The following ETF1 variants were observed in gnomAD, a reference collection of about 807,000 sequenced individuals.
ETF1 encodes the protein eukaryotic peptide chain release factor subunit 1.
In ETF1, 4 loss-of-function variants were observed where a neutral mutation model predicts 55.1. The observed-to-expected ratio is 0.07, with a 90% CI of 0.04 to 0.17. ETF1 has a LOEUF of 0.17. Ranked by LOEUF, ETF1 falls within the 10% of genes least tolerant of loss-of-function variation. The pLI is 1.00. For synonymous variants in ETF1, 157 were observed against 182.3 expected (o/e 0.86, Z 1.12); for missense variants, 142 against 523.6 (o/e 0.27, Z 7.11).
At position 138,524,587 on chromosome 5, in the gene ETF1, T is replaced by G. The variant is rs1434336034; in HGVS notation, c.87-5720A>C. ...AAAAAAATTTCTTTCCGTTTTTTGT[T>G]TTTTTTTTTGAGACAGAGTCTTGCT... On this transcript the variant is annotated intron_variant, in intron 2 of 10. Transcript: ENST00000360541. 1.3e-5 allele frequency among the ~76,000 whole-genome samples: 2 copies of G among 148,882 alleles called. 1 individual carries two copies. Among genetic ancestry groups the G allele is most frequent in the African/African-American group, 4.9e-5 (2 of 40,778 alleles).
At chr5:138,533,726 CT>C (rs1765801194) in intron 2 of ETF1, among the ~76,000 whole-genome samples, 1 of 152,122 alleles carries the variant, frequency 6.6e-6, no homozygotes, top group Non-Finnish European at 1.5e-5. Context: ...ATTGTCAGTC[CT>C]TGGAGAGGAA....
At chr5:138,519,132 C>T in intron 2 of ETF1, 2 of 984,166 alleles carry the variant, frequency 2.0e-6, no homozygotes, top group Non-Finnish European at 2.4e-6. Flanking sequence ...TTGAGAAACA[C>T]CTCATTTCCT....
intron 2 of ETF1, among the ~76,000 whole-genome samples, chr5:138,519,439 G>A (rs896407316): frequency 4.6e-5 from 7 of 151,984 alleles, no homozygotes; most frequent in African/African-American, 9.7e-5. Context: ...CGAGGCGGGC[G>A]GATCACAAGG....
intron 4 of ETF1, 69 bp downstream of exon 4, chr5:138,517,492 G>A: frequency 1.1e-6 from 1 of 877,502 alleles, no homozygotes; most frequent in Non-Finnish European, 1.7e-6. Context: ...AGGGATGGGG[G>A]ACTGACTGCT....
At chr5:138,542,683 C>T (rs1045539933) in intron 2 of ETF1, 150 bp downstream of exon 2, 1 of 1,460,992 alleles carries the variant, frequency 6.8e-7, no homozygotes, top group Non-Finnish European at 9.0e-7. Flanking sequence ...CCGACCCTCG[C>T]CCCTGGGTCA....
rs13436107 is a variant in ETF1 at position 138,509,124 on chromosome 5, T to G, written c.1084-308A>C. 12,358 of 985,100 alleles carry G rather than the reference T, an allele frequency of 0.013. 1,098 individuals are homozygous for G. The African/African-American group carries it at 0.19, about 15-fold the overall frequency. The allele number at this position is 985,100 out of a possible 1,614,324, so 61.0% of individuals were successfully genotyped here. A position where few individuals can be genotyped will look rare whatever the true frequency, so the allele number is the denominator to read the frequency against. ...CTCTAGAAGTCAGGCTGTTGTAGTG[T>G]CTCTAAGCAGCACCCATTCAATGGC... is the stretch of plus-strand genomic sequence containing the variant. On this transcript the variant is annotated intron_variant, in intron 9 of 10. Transcript: ENST00000360541.
chr5:138,526,429 C>A (rs951599479), intron 2 of ETF1, among the ~76,000 whole-genome samples: 2 of 152,118 alleles, frequency 1.3e-5, no homozygotes, highest in Non-Finnish European at 2.9e-5. Flanking sequence ...ATAGTGTCTT[C>A]GGTATTTGCA....
At chr5:138,512,483 A>C (rs1410076726) in intron 6 of ETF1, among the ~76,000 whole-genome samples, 1 of 151,702 alleles carries the variant, frequency 6.6e-6, no homozygotes, top group African/African-American at 2.4e-5. Flanking sequence ...TTTGAAATCA[A>C]ACTCCATTCT....
In ETF1 at chr5:138,513,635, A is replaced by G. The variant is rs199838059; in HGVS notation, c.474T>C (p.Phe158=). The G allele has an allele frequency of 2.3e-4, 364 of 1,610,700 alleles. No homozygotes were observed. Among genetic ancestry groups the G allele is most frequent in the Non-Finnish European group, 2.9e-4 (343 of 1,177,214 alleles). ...CTCTTGTGTTTCCTTGGAGTGTGCCAAAAAGTGCACCACTACCATCTATTA... is the reference window on the plus strand; with the variant it reads ...CTCTTGTGTTTCCTTGGAGTGTGCCGAAAAGTGCACCACTACCATCTATTA... ...FIVIDGSGAL[F]GTLQGNTREV... The change falls in exon 5 of 11, where the codon TTT becomes TTC. Residue 158 remains phenylalanine (F), a synonymous_variant. Coordinates refer to ENST00000360541, the MANE Select transcript of ETF1 (RefSeq NM_004730.4).
Position 138,510,549 on chromosome 5 carries a change from G to C in ETF1, c.1083+16C>G. 1 of 1,594,048 alleles carries C rather than the reference G, an allele frequency of 6.3e-7. No individual in the cohort carries two copies. The highest frequency in any genetic ancestry group is 8.6e-7 in the Non-Finnish European group (1 of 1,161,924). ...ACGCTTGCACGTATCATCAAACCAA[G>C]AAAATAATCACATACCTCTTTGTCT... On this transcript the variant is annotated intron_variant, in intron 9 of 10. Coordinates refer to ENST00000360541, the MANE Select transcript of ETF1 (RefSeq NM_004730.4).
chr5:138,524,766 T>C (rs879457262), intron 2 of ETF1, among the ~76,000 whole-genome samples: 13 of 151,796 alleles, frequency 8.6e-5, no homozygotes, highest in South Asian at 2.1e-4. Context: ...TTAGTAGAGA[T>C]GGGGTTTCAC....
At chr5:138,518,312 T>C (rs1765105015) in intron 3 of ETF1, among the ~76,000 whole-genome samples, 1 of 151,968 alleles carries the variant, frequency 6.6e-6, no homozygotes, top group Non-Finnish European at 1.5e-5. Flanking sequence ...CCGGGTCCAG[T>C]TGATTCTCTC....
intron 6 of ETF1, among the ~76,000 whole-genome samples, chr5:138,512,228 A>ATATG (rs1764825656): frequency 4.9e-5 from 1 of 20,618 alleles, no homozygotes. Flanking sequence ...AAAAAAAAAT[A>ATATG]TATATATATA....
rs1173718136 is a variant in ETF1 at position 138,510,536 on chromosome 5, A to G, written c.1083+29T>C. On this transcript the variant is annotated intron_variant, in intron 9 of 10. Transcript: ENST00000360541. ...AACACACGGATTTACGCTTGCACGT[A>G]TCATCAAACCAAGAAAATAATCACA... 4 of 1,547,396 alleles carry G rather than the reference A, an allele frequency of 2.6e-6. No individual in the cohort carries two copies. The African/African-American group carries it at 5.4e-5, about 21-fold the overall frequency.
chr5:138,529,580 G>A (rs1337527564), intron 2 of ETF1: 3 of 985,164 alleles, frequency 3.0e-6, no homozygotes, highest in East Asian at 1.1e-4. Flanking sequence ...AAAGCTCCCA[G>A]GGGCCTCTGC....
chr5:138,532,386 G>A (rs1002941711), intron 2 of ETF1, among the ~76,000 whole-genome samples: 4 of 152,040 alleles, frequency 2.6e-5, no homozygotes, highest in African/African-American at 4.8e-5. Context: ...AATCCCTGTG[G>A]GTCTGTTTCT....
At chr5:138,537,337 T>C (rs753467792) in intron 2 of ETF1, among the ~76,000 whole-genome samples, 2 of 152,210 alleles carry the variant, frequency 1.3e-5, no homozygotes, top group Admixed American at 6.5e-5. Context: ...TGTTTGTATA[T>C]ACAAAAGGAA....
intron 2 of ETF1, among the ~76,000 whole-genome samples, chr5:138,519,612 G>T: frequency 6.6e-6 from 1 of 151,008 alleles, no homozygotes; most frequent in African/African-American, 2.4e-5. Context: ...GCAGTGAGCC[G>T]AGATCATGTC....
In ETF1 at chr5:138,536,735, G is replaced by A. The variant is rs558211112; in HGVS notation, c.86+6098C>T. On this transcript the variant is annotated intron_variant, in intron 2 of 10. Transcript: ENST00000360541. ...TTCCTACTCTTCAAATAGGATCGAA[G>A]ACCATTTATAGCCCTGCTGCAAAGC... Among the ~76,000 whole-genome samples the A allele has an allele frequency of 1.4e-4, 21 of 152,260 alleles. No homozygotes were observed. The South Asian group carries it at 1.5e-3, about 11-fold the overall frequency.
Sources: gnomAD v4.1 joint callset for allele counts (sites outside exome capture counted in the v4.1 genomes callset) on GRCh38, gnomAD v4.1.1 for gene constraint, MANE v1.5 for transcripts, NCBI Gene and HGNC (gene_info 2026-07-23, HGNC 2026-07-21) for gene names.